Variants in STK3 observed in about 807,000 individuals in gnomAD.
The protein encoded by STK3 is serine/threonine-protein kinase 3.
STK3 carries 41 observed loss-of-function variants against 58.0 expected under a neutral mutation model. The ratio of observed to expected loss-of-function variants is 0.71; its 90% CI spans 0.55 to 0.92. The LOEUF (loss-of-function observed/expected upper bound fraction) is 0.92. Among genes scored for constraint, STK3 ranks in the 40% least tolerant of loss-of-function variants. STK3 has a pLI of 0.00. For missense variants in STK3, 479 were observed against 602.7 expected (o/e 0.79, Z 2.15); for synonymous variants, 170 against 191.0 (o/e 0.89, Z 0.91).
At chr8:98,561,586 A>C (rs924811764) in intron 8 of STK3, among the ~76,000 whole-genome samples, 2 of 152,094 alleles carry the variant, frequency 1.3e-5, no homozygotes, top group African/African-American at 4.8e-5. Flanking sequence ...GGAGGATTGT[A>C]GTTTGAGGCT....
At chr8:98,876,719 A>G (rs1262907033) in intron 3 of STK3, among the ~76,000 whole-genome samples, 1 of 152,194 alleles carries the variant, frequency 6.6e-6, no homozygotes, top group African/African-American at 2.4e-5. Context: ...GGCTCAATAA[A>G]CTTGTTGCTT....
intron 6 of STK3, among the ~76,000 whole-genome samples, chr8:98,697,636 A>C (rs1189022997): frequency 2.0e-5 from 3 of 152,178 alleles, no homozygotes; most frequent in Non-Finnish European, 4.4e-5. Flanking sequence ...ATTCAGGAGC[A>C]GGTTGTTCAG....
At chr8:98,496,641 A>T (rs1004921683) in intron 10 of STK3, among the ~76,000 whole-genome samples, 1 of 152,172 alleles carries the variant, frequency 6.6e-6, no homozygotes. Context: ...ATTCGGCCTT[A>T]AAAAAGGAAC....
At chr8:98,696,087 G>A (rs1028820785) in intron 6 of STK3, among the ~76,000 whole-genome samples, 13 of 152,098 alleles carry the variant, frequency 8.5e-5, no homozygotes, top group African/African-American at 2.9e-4. Flanking sequence ...CATGTCCCTT[G>A]TAAGTTGGAT....
chr8:98,550,185 A>G (rs182668730), intron 8 of STK3, among the ~76,000 whole-genome samples: 11 of 152,292 alleles, frequency 7.2e-5, no homozygotes, highest in Middle Eastern at 3.4e-3. Context: ...GTTGTATAAT[A>G]TAACAACAGT....
At chr8:98,570,643 T>G (rs1026445820) in intron 8 of STK3, among the ~76,000 whole-genome samples, 2 of 151,850 alleles carry the variant, frequency 1.3e-5, no homozygotes, top group African/African-American at 4.8e-5. Context: ...ACCCGAAAAC[T>G]AAACAAACAG....
intron 3 of STK3, among the ~76,000 whole-genome samples, chr8:98,867,113 A>G (rs1837173147): frequency 6.6e-6 from 1 of 152,172 alleles, no homozygotes; most frequent in Non-Finnish European, 1.5e-5. Context: ...CATTATAATT[A>G]CCATTTTAAA....
chr8:98,517,843 T>A (rs987622802), intron 10 of STK3, among the ~76,000 whole-genome samples: 5 of 152,104 alleles, frequency 3.3e-5, no homozygotes, highest in Non-Finnish European at 7.4e-5. Flanking sequence ...TTGGTTAACA[T>A]CTCTTTTGAT....
chr8:98,479,713 T>G (rs950293793), intron 10 of STK3, among the ~76,000 whole-genome samples: 1 of 152,084 alleles, frequency 6.6e-6, no homozygotes, highest in East Asian at 1.9e-4. Context: ...ACTTGACATA[T>G]GAAGAATCTG....
chr8:98,669,554 A>G (rs567808309), intron 6 of STK3, among the ~76,000 whole-genome samples: 1 of 152,334 alleles, frequency 6.6e-6, no homozygotes, highest in South Asian at 2.1e-4. Context: ...TGACTAATAC[A>G]TAGCAGTCTT....
At chr8:98,778,963 T>C (rs1466472606) in intron 1 of STK3, 2 of 151,966 alleles carry the variant, frequency 1.3e-5, no homozygotes, top group Non-Finnish European at 2.9e-5. Context: ...CACACCAACA[T>C]GGCACATGTA....
chr8:98,444,677 A>G (rs1353931723), intron 1 of STK3, among the ~76,000 whole-genome samples: 1 of 152,200 alleles, frequency 6.6e-6, no homozygotes, highest in Non-Finnish European at 1.5e-5. Flanking sequence ...AACTGGGCAG[A>G]AAATACAAGG....
chr8:98,831,688 G>C (rs1835539107), intron 3 of STK3, among the ~76,000 whole-genome samples: 1 of 152,184 alleles, frequency 6.6e-6, no homozygotes, highest in African/African-American at 2.4e-5. Flanking sequence ...TTATTTGCAG[G>C]AAAATTTGGA....
the STK3 span, among the ~76,000 whole-genome samples, chr8:98,346,322 T>C: frequency 1.3e-5 from 2 of 149,572 alleles, no homozygotes; most frequent in Non-Finnish European, 1.5e-5. Flanking sequence ...GCATCAGTGG[T>C]GGGACAACTC....
intron 6 of STK3, among the ~76,000 whole-genome samples, chr8:98,656,485 TAA>T (rs34284136): frequency 4.7e-5 from 7 of 149,370 alleles, no homozygotes; most frequent in African/African-American, 9.9e-5. Context: ...TAAAGTATAA[TAA>T]AAAAAAAAGT....
chr8:98,659,997 A>G (rs894963113), intron 6 of STK3, among the ~76,000 whole-genome samples: 5 of 151,954 alleles, frequency 3.3e-5, no homozygotes, highest in African/African-American at 1.2e-4. Context: ...AAGGAAAGAT[A>G]ATCTATACTA....
intron 1 of STK3, among the ~76,000 whole-genome samples, chr8:98,440,350 A>C (rs560550567): frequency 5.4e-4 from 82 of 152,316 alleles, no homozygotes; most frequent in African/African-American, 1.9e-3. Flanking sequence ...TCTAAATTTT[A>C]ATTGTGATAA....
chr8:98,547,472 A>AT (rs1810795719), intron 9 of STK3, among the ~76,000 whole-genome samples: 1 of 152,164 alleles, frequency 6.6e-6, no homozygotes, highest in African/African-American at 2.4e-5. Flanking sequence ...AGCAGTAAAT[A>AT]TTCATGCAAC....
chr8:98,936,949 G>C (rs1291986168), intron 1 of STK3, among the ~76,000 whole-genome samples: 1 of 152,214 alleles, frequency 6.6e-6, no homozygotes, highest in African/African-American at 2.4e-5. Flanking sequence ...ATGTGGCTAA[G>C]ACAAGCAGTA....
Sources: gnomAD v4.1 joint callset for allele counts (sites outside exome capture counted in the v4.1 genomes callset) on GRCh38, gnomAD v4.1.1 for gene constraint, MANE v1.5 for transcripts, NCBI Gene and HGNC (gene_info 2026-07-23, HGNC 2026-07-21) for gene names.